The following YIPF2 variants were observed in gnomAD, a reference collection of about 807,000 sequenced individuals.
YIPF2 encodes the protein Yip1 domain family member 2.
Under a neutral mutation model 38.8 loss-of-function variants are expected in YIPF2, and 30 were observed. The ratio of observed to expected loss-of-function variants is 0.77; its 90% CI spans 0.58 to 1.05. YIPF2 has a LOEUF of 1.05. YIPF2 is among the 50% of genes least tolerant of loss of function. The probability of loss-of-function intolerance (pLI) is 0.00; values close to 1 mark genes in which losing one functional copy is unlikely to be tolerated. For missense variants in YIPF2, 401 were observed against 409.7 expected (o/e 0.98, Z 0.18); for synonymous variants, 194 against 183.8 (o/e 1.06, Z -0.45).
intron 2 of YIPF2, 115 bp downstream of exon 2, chr19:10,928,265 G>C (rs2083458050): frequency 1.6e-6 from 2 of 1,261,308 alleles, no homozygotes. Context: ...CTCACTCCTG[G>C]GTCAGGGTTC....
At position 10,922,462 on chromosome 19, in the gene YIPF2, T is replaced by TTCCCCC. The variant is rs2074271663; in HGVS notation, c.*731_*732insGGGGGA. 7.9e-6 allele frequency: 1 copy of TTCCCCC among 127,004 alleles called. No individual in the cohort carries two copies. The highest frequency in any genetic ancestry group is 2.9e-4 in the South Asian group (1 of 3,412). The allele number at this position is 127,004 out of a possible 1,614,324, so 7.9% of individuals were successfully genotyped here. ...TGTCCTGTCCCCGAGCCCCTGCAGG[T>TTCCCCC]CCCCCCCCGCCCCCCCACTCAAGAG... On this transcript the variant is annotated 3_prime_UTR_variant, in exon 10 of 10. Coordinates refer to ENST00000586748, the MANE Select transcript of YIPF2 (RefSeq NM_001321439.2).
Position 10,927,831 on chromosome 19 carries a change from C to T in YIPF2, c.160G>A (p.Asp54Asn). 1.2e-6 allele frequency: 2 copies of T among 1,609,674 alleles called. No individual in the cohort carries two copies. The highest frequency in any genetic ancestry group is 2.2e-5 in the East Asian group (1 of 44,768). ...VGSGGSYGAEDEVEEESDKAA... is the reference protein window; with the variant it reads ...VGSGGSYGAENEVEEESDKAA... ...TTGTCACTCTCCTCCTCCACCTCAT[C>T]CTCGGCTCCATAGCTGCCACCTGAG... The change falls in exon 3 of 10, where the codon GAT becomes AAT. Residue 54 changes from aspartate to asparagine, a missense_variant. Coordinates refer to ENST00000586748, the MANE Select transcript of YIPF2 (RefSeq NM_001321439.2).
chr19:10,925,595 T>A, intron 5 of YIPF2, 91 bp downstream of exon 5: 1 of 1,462,294 alleles, frequency 6.8e-7, no homozygotes, highest in South Asian at 1.2e-5. Context: ...TCTGAGTGAC[T>A]GATTTGTCCG....
rs1360658538 is a variant in YIPF2, at chr19:10,928,055, T to G, written c.32-96A>C. 2.0e-6 allele frequency: 3 copies of G among 1,502,322 alleles called. No homozygotes were observed. In the African/African-American group the frequency reaches 4.1e-5, roughly 21 times the overall value. The allele number at this position is 1,502,322 out of a possible 1,614,324, so 93.1% of individuals were successfully genotyped here. A position where few individuals can be genotyped will look rare whatever the true frequency, so the allele number is the denominator to read the frequency against. On this transcript the variant is annotated intron_variant, in intron 2 of 9. Coordinates refer to ENST00000586748, the MANE Select transcript of YIPF2 (RefSeq NM_001321439.2). ...CCGATGCTCATCTGGGGGCGGAGGC[T>G]CTGCTGAGCCATTGATCTCCCCCAA...
chr19:10,928,456 G>A lies in YIPF2; in HGVS notation c.-30-16C>T, dbSNP rs1027415217. ...GCATCCCTCGCTGAGGACAGAGACC[G>A]GTCAGGCACACTTCCCCCCCGCCCC... On this transcript the variant is annotated splice_polypyrimidine_tract_variant and intron_variant, in intron 1 of 9. Coordinates refer to ENST00000586748, the MANE Select transcript of YIPF2 (RefSeq NM_001321439.2). The A allele has an allele frequency of 7.7e-5, 104 of 1,356,172 alleles. 1 individual carries two copies. The South Asian group carries it at 1.5e-3, about 20-fold the overall frequency. The allele number at this position is 1,356,172 out of a possible 1,614,324, so 84.0% of individuals were successfully genotyped here. A position where few individuals can be genotyped will look rare whatever the true frequency, so the allele number is the denominator to read the frequency against.
In YIPF2 at chr19:10,924,170, C is replaced by A. The variant is rs2304086; in HGVS notation, c.390G>T (p.Thr130=). 3 of 1,612,664 alleles carry A rather than the reference C, an allele frequency of 1.9e-6. No individual in the cohort carries two copies. Among genetic ancestry groups the A allele is most frequent in the Non-Finnish European group, 2.5e-6 (3 of 1,179,882 alleles). ...DLYGPFWICA[T]LAFVLAVTGN... is the part of the protein sequence containing the mutation. ...CAGTGACGGCCAGGACAAAGGCCAA[C>A]GTGGCACAGATCCAGAAGGGGCCTG... The change falls in exon 6 of 10, where the codon ACG becomes ACT. Residue 130 remains threonine (T), a synonymous_variant. Coordinates refer to ENST00000586748, the MANE Select transcript of YIPF2 (RefSeq NM_001321439.2).
rs1388153343 is a variant in YIPF2 at position 10,923,896 on chromosome 19, G to T, written c.588C>A (p.Pro196=). The part of the protein sequence containing the change: ...WRKGVQERMG[P]YTFLETVCIY... ...TGCACACAGTCTCCAGGAAGGTGTA[G>T]GGCCCCATGCGCTCCTGGACACCCT... Residue 196 remains proline (P), a synonymous_variant, in exon 7 of 10, where the codon CCC becomes CCA. Transcript: ENST00000586748. 6.2e-7 allele frequency: 1 copy of T among 1,613,192 alleles called. No individual in the cohort carries two copies. Among genetic ancestry groups the T allele is most frequent in the East Asian group, 2.2e-5 (1 of 44,836 alleles).
Position 10,923,854 on chromosome 19 carries a change from G to C in YIPF2, c.630C>G (p.Leu210=). The C allele has an allele frequency of 6.2e-7, 1 of 1,613,042 alleles. No homozygotes were observed. The highest frequency in any genetic ancestry group is 8.5e-7 in the Non-Finnish European group (1 of 1,179,558). Residue 210 remains leucine (L), a synonymous_variant, in exon 7 of 10, where the codon CTC becomes CTG. Coordinates refer to ENST00000586748, the MANE Select transcript of YIPF2 (RefSeq NM_001321439.2). Reference sequence around the variant, plus strand: ...TCACCACCATGGGGATGAAGACAAAGAGGGAGTAGCCGTAGATGCACACAG... The same window carrying C: ...TCACCACCATGGGGATGAAGACAAACAGGGAGTAGCCGTAGATGCACACAG... The part of the protein sequence containing the change: ...LETVCIYGYS[L]FVFIPMVVLW...
rs1166856017 is a variant in YIPF2 at position 10,922,741 on chromosome 19, G to C, written c.*453C>G. On this transcript the variant is annotated 3_prime_UTR_variant, in exon 10 of 10. Coordinates refer to ENST00000586748, the MANE Select transcript of YIPF2 (RefSeq NM_001321439.2). ...CTCCAAAAAAAGAAAAAAAGAAAAA[G>C]AAAGAAAAAATAAATGAGGAAACGT... is the stretch of plus-strand genomic sequence containing the variant. The C allele has an allele frequency of 1.3e-5, 2 of 152,474 alleles. No homozygotes were observed. Among genetic ancestry groups the C allele is most frequent in the Non-Finnish European group, 2.9e-5 (2 of 68,236 alleles). 9.4% of individuals were successfully genotyped at this position (152,474 alleles called of 1,614,324 possible).
At chr19:10,925,926 T>TGA (rs1345357205) in intron 4 of YIPF2, among the ~76,000 whole-genome samples, 153 bp from the exon 5 acceptor site, 15 of 148,910 alleles carry the variant, frequency 1.0e-4, no homozygotes, top group African/African-American at 3.8e-4. Context: ...TTTTTTTTTT[T>TGA]GAGACAGAGT....
rs753829429 is a variant in YIPF2, at chr19:10,923,874, A to G, written c.610T>C (p.Cys204Arg). The G allele has an allele frequency of 1.1e-5, 17 of 1,613,278 alleles. No homozygotes were observed. The highest frequency in any genetic ancestry group is 1.6e-4 in the Middle Eastern group (1 of 6,082). ...ACAAAGAGGGAGTAGCCGTAGATGC[A>G]CACAGTCTCCAGGAAGGTGTAGGGC... is the stretch of plus-strand genomic sequence containing the variant. ...MGPYTFLETVCIYGYSLFVFI... is the reference protein window; with the variant it reads ...MGPYTFLETVRIYGYSLFVFI... Residue 204 changes from cysteine to arginine, a missense_variant, in exon 7 of 10, where the codon TGC becomes CGC. Transcript: ENST00000586748.
In YIPF2 at chr19:10,923,889, A is replaced by G. The variant is rs770118802; in HGVS notation, c.595T>C (p.Phe199Leu). ...GVQERMGPYT[F>L]LETVCIYGYS... The stretch of plus-strand genomic sequence containing the variant: ...CCGTAGATGCACACAGTCTCCAGGA[A>G]GGTGTAGGGCCCCATGCGCTCCTGG... Residue 199 changes from phenylalanine to leucine, a missense_variant, in exon 7 of 10, where the codon TTC becomes CTC. Physicochemically the swap from Phe to Leu is conservative, Grantham distance 22 (BLOSUM62 0). Transcript: ENST00000586748. 1.2e-6 allele frequency: 2 copies of G among 1,613,242 alleles called. No homozygotes were observed. The highest frequency in any genetic ancestry group is 1.7e-6 in the Non-Finnish European group (2 of 1,179,708).
Position 10,927,894 on chromosome 19 carries a change from G to A in YIPF2, c.97C>T (p.Gln33Ter). Residue 33 changes from glutamine to a stop codon, truncating the protein, a stop_gained, in exon 3 of 10, where the codon CAG (glutamine) becomes TAG (stop). Coordinates refer to ENST00000586748, the MANE Select transcript of YIPF2 (RefSeq NM_001321439.2). LOFTEE classifies it high-confidence loss of function. ...PDAATTSRSD[Q>*]LTPQGHVAVA... Reference sequence around the variant, plus strand: ...GCCACGTGCCCTTGTGGGGTCAGCTGATCGCTTCTGCTGGTGGTGGCTGCA... The same window carrying A: ...GCCACGTGCCCTTGTGGGGTCAGCTAATCGCTTCTGCTGGTGGTGGCTGCA... The A allele has an allele frequency of 6.2e-7, 1 of 1,612,554 alleles. No individual in the cohort carries two copies. Among genetic ancestry groups the A allele is most frequent in the Non-Finnish European group, 8.5e-7 (1 of 1,178,880 alleles).
chr19:10,923,365 G>A lies in YIPF2; in HGVS notation c.877C>T (p.Pro293Ser), dbSNP rs1186201712. ...GAGGGCAGAGATGTGATTTGGGGTGGAGGAGCCACGTTCTCCGGAGGCAGC... is the reference window on the plus strand; with the variant it reads ...GAGGGCAGAGATGTGATTTGGGGTGAAGGAGCCACGTTCTCCGGAGGCAGC... ...QSLPPENVAP[P>S]PQITSLPSNI... The change falls in exon 9 of 10, where the codon CCA becomes TCA. Residue 293 changes from proline (P) to serine (S), a missense_variant. Physicochemically the swap from Pro to Ser is moderately conservative, Grantham distance 74. Coordinates refer to ENST00000586748, the MANE Select transcript of YIPF2 (RefSeq NM_001321439.2). The A allele has an allele frequency of 3.1e-6, 5 of 1,613,532 alleles. No homozygotes were observed. The South Asian group carries it at 4.4e-5, about 14-fold the overall frequency.
At chr19:10,928,476 C>T (rs532852112) in intron 1 of YIPF2, 35 bp downstream of exon 1, 4 of 1,356,116 alleles carry the variant, frequency 2.9e-6, no homozygotes, top group South Asian at 2.0e-5. Flanking sequence ...ACTTCCCCCC[C>T]GCCCCCGAGC....
Position 10,923,374 on chromosome 19 carries a change from C to T in YIPF2, c.868G>A (p.Val290Met), listed in dbSNP as rs748164161. Residue 290 changes from valine to methionine, a missense_variant, in exon 9 of 10, where the codon GTG (valine) becomes ATG (methionine). Coordinates refer to ENST00000586748, the MANE Select transcript of YIPF2 (RefSeq NM_001321439.2). ...GATGTGATTTGGGGTGGAGGAGCCA[C>T]GTTCTCCGGAGGCAGCGACTGGAAG... ...YFFQSLPPEN[V>M]APPPQITSLP... 7.4e-5 allele frequency: 120 copies of T among 1,613,466 alleles called. No homozygotes were observed. Among genetic ancestry groups the T allele is most frequent in the Middle Eastern group, 4.9e-4 (3 of 6,070 alleles).
At chr19:10,926,645 G>C (rs2083430269) in intron 4 of YIPF2, among the ~76,000 whole-genome samples, 1 of 151,454 alleles carries the variant, frequency 6.6e-6, no homozygotes, top group Non-Finnish European at 1.5e-5. Context: ...TCGAGCCTCA[G>C]ACTCCTGAGT....
rs1019586568 is a variant in YIPF2, at chr19:10,927,667, C to T, written c.242G>A (p.Ser81Asn). 2 of 1,613,780 alleles carry T rather than the reference C, an allele frequency of 1.2e-6. No individual in the cohort carries two copies. The highest frequency in any genetic ancestry group is 2.7e-5 in the African/African-American group (2 of 74,954). ...QQQQPGFWTF[S>N]YYQSFFDVDT... Reference sequence around the variant, plus strand: ...CACGTCAAAGAAGCTCTGATAGTAGCTGAAGGTCCAGAATCCCGGCTGCTG... The same window carrying T: ...CACGTCAAAGAAGCTCTGATAGTAGTTGAAGGTCCAGAATCCCGGCTGCTG... The change falls in exon 4 of 10, where the codon AGC becomes AAC. Residue 81 changes from serine (S) to asparagine (N), a missense_variant. By Grantham distance (46) the Ser-to-Asn change is conservative. Transcript: ENST00000586748.
Position 10,924,170 on chromosome 19 carries a change from C to T in YIPF2, c.390G>A (p.Thr130=), listed in dbSNP as rs2304086. ...CAGTGACGGCCAGGACAAAGGCCAACGTGGCACAGATCCAGAAGGGGCCTG... is the reference window on the plus strand; with the variant it reads ...CAGTGACGGCCAGGACAAAGGCCAATGTGGCACAGATCCAGAAGGGGCCTG... ...DLYGPFWICA[T]LAFVLAVTGN... The change falls in exon 6 of 10, where the codon ACG becomes ACA. Residue 130 remains threonine (T), a synonymous_variant. Transcript: ENST00000586748. 0.019 allele frequency: 30,525 copies of T among 1,612,648 alleles called. 3,667 individuals carry two copies. In the East Asian group the frequency reaches 0.37, roughly 20 times the overall value.
Sources: allele counts gnomAD v4.1 joint callset (sites outside exome capture counted in the v4.1 genomes callset), GRCh38; gene constraint gnomAD v4.1.1; transcripts MANE v1.5; gene names NCBI Gene and HGNC (gene_info 2026-07-23, HGNC 2026-07-21).